The following CLSTN1 variants were observed in gnomAD, a reference collection of about 807,000 sequenced individuals.
CLSTN1 encodes the protein calsyntenin 1, also known as calsyntenin-1.
A neutral mutation model predicts 108.3 loss-of-function variants in CLSTN1; 28 were observed. The observed-to-expected ratio is 0.26, with a 90% CI of 0.19 to 0.35. The LOEUF (loss-of-function observed/expected upper bound fraction) is 0.35. Ranked by LOEUF, CLSTN1 falls within the 10% of genes least tolerant of loss-of-function variation. CLSTN1 has a pLI of 1.00. For synonymous variants in CLSTN1, 524 were observed against 534.9 expected, an observed-to-expected ratio of 0.98 and a Z score of 0.28; for missense variants, 1,157 against 1,302.6, an observed-to-expected ratio of 0.89 and a Z score of 1.72.
chr1:9,801,816 A>T lies in CLSTN1; in HGVS notation c.91+21827T>A, dbSNP rs530820852. Among the ~76,000 whole-genome samples the T allele has an allele frequency of 8.9e-4, 136 of 152,178 alleles. 1 individual carries two copies. In the East Asian group the frequency reaches 0.018, roughly 20 times the overall value. ...GGTGATCCGCCCACCTCTGCTTCCC[A>T]AAGTGCTGGGATTACAGGCGTGAGC... On this transcript the variant is annotated intron_variant, in intron 1 of 18. Transcript: ENST00000377298.
chr1:9,814,802 G>A (rs1248499010), intron 1 of CLSTN1, among the ~76,000 whole-genome samples: 1 of 151,886 alleles, frequency 6.6e-6, no homozygotes, highest in East Asian at 1.9e-4. Flanking sequence ...AGGAGGCTGA[G>A]GTGGAAGGAT....
In CLSTN1 at chr1:9,751,487, G is replaced by C; in HGVS notation, c.635C>G (p.Thr212Ser). 5 of 1,614,120 alleles carry C rather than the reference G, an allele frequency of 3.1e-6. No individual in the cohort carries two copies. Among genetic ancestry groups the C allele is most frequent in the Non-Finnish European group, 4.2e-6 (5 of 1,180,016 alleles). Residue 212 changes from threonine to serine, a missense_variant, in exon 5 of 19, where the codon ACT (threonine) becomes AGT (serine). Thr to Ser is a moderately conservative substitution (Grantham distance 58). Coordinates refer to ENST00000377298, the MANE Select transcript of CLSTN1 (RefSeq NM_001009566.3). ...TCGATTCTTACCATCTTTGTCAACA[G>C]TAAAGGGCACGTCTGGAGTGATGAT... ...YEIITPDVPF[T>S]VDKDGYIKNT...
chr1:9,735,567 G>A lies in CLSTN1; in HGVS notation c.1783C>T (p.Leu595Phe). ...QLVLTLEGED[L>F]GELDKAMQHI... The stretch of plus-strand genomic sequence containing the variant: ...TGCATGGCCTTATCCAATTCCCCGA[G>A]GTCTTCTCCCTCCAAGGTCAATACC... The change falls in exon 13 of 19, where the codon CTC (leucine) becomes TTC (phenylalanine). Residue 595 changes from leucine to phenylalanine, a missense_variant. By Grantham distance (22) the Leu-to-Phe change is conservative (BLOSUM62 0). Coordinates refer to ENST00000377298, the MANE Select transcript of CLSTN1 (RefSeq NM_001009566.3). 1 of 1,614,112 alleles carries A rather than the reference G, an allele frequency of 6.2e-7. No homozygotes were observed. Among genetic ancestry groups the A allele is most frequent in the Non-Finnish European group, 8.5e-7 (1 of 1,180,022 alleles).
At position 9,823,572 on chromosome 1, in the gene CLSTN1, G is replaced by GGGACCCGAATCCTGCACCC. The variant is rs1306138689; in HGVS notation, c.91+52_91+70dup. ...GCACCCGGACCCGAATCCCCGCACC[G>GGGACCCGAATCCTGCACCC]GGACCCGAATCCTGCACCCGGACCC... On this transcript the variant is annotated intron_variant, in intron 1 of 18. Transcript: ENST00000377298. The surrounding 1 kb of genome is among the most constrained non-coding windows in gnomAD (Gnocchi z 6.3). 5.8e-6 allele frequency: 6 copies of GGGACCCGAATCCTGCACCC among 1,037,898 alleles called. No homozygotes were observed. The highest frequency in any genetic ancestry group is 7.2e-6 in the Non-Finnish European group (6 of 829,872). 64.3% of individuals were successfully genotyped at this position (1,037,898 alleles called of 1,614,324 possible).
chr1:9,771,337 C>T (rs772589321), intron 2 of CLSTN1, among the ~76,000 whole-genome samples: 15 of 151,726 alleles, frequency 9.9e-5, no homozygotes, highest in Admixed American at 5.3e-4. Flanking sequence ...AAAATTAGGA[C>T]GGGCATGGTG....
intron 1 of CLSTN1, among the ~76,000 whole-genome samples, chr1:9,815,097 G>C (rs950458112): frequency 1.3e-5 from 2 of 152,164 alleles, no homozygotes; most frequent in African/African-American, 4.8e-5. Flanking sequence ...GAAATCTACA[G>C]AAATCAAGGC....
intron 1 of CLSTN1, among the ~76,000 whole-genome samples, chr1:9,819,835 G>A (rs1460738050): frequency 2.0e-5 from 3 of 152,026 alleles, no homozygotes; most frequent in Admixed American, 6.6e-5. Flanking sequence ...ATATTCGAAC[G>A]ACTTTTTTCC....
chr1:9,755,413 A>C, intron 3 of CLSTN1, 104 bp from the exon 4 acceptor site: 7 of 989,218 alleles, frequency 7.1e-6, no homozygotes, highest in Non-Finnish European at 1.1e-5. Flanking sequence ...AATGACAACA[A>C]TTTGGCAGCC....
At chr1:9,732,403 A>C (rs1322847523) in intron 16 of CLSTN1, among the ~76,000 whole-genome samples, 2 of 152,180 alleles carry the variant, frequency 1.3e-5, no homozygotes, top group Non-Finnish European at 2.9e-5. Context: ...ATTATGCCCA[A>C]AACAAGAGCA....
intron 1 of CLSTN1, among the ~76,000 whole-genome samples, chr1:9,803,111 C>A (rs899617420): frequency 3.3e-5 from 5 of 152,176 alleles, no homozygotes; most frequent in Non-Finnish European, 5.9e-5. Context: ...GCATAAGCCA[C>A]CACGCCCAGC....
rs967112626 is a variant in CLSTN1 at position 9,823,319 on chromosome 1, G to C, written c.91+324C>G. Among the ~76,000 whole-genome samples the C allele has an allele frequency of 6.6e-6, 1 of 152,200 alleles. No individual in the cohort carries two copies. The highest frequency in any genetic ancestry group is 1.5e-5 in the Non-Finnish European group (1 of 68,030). ...CTGCACGTTCCCCCAAATCAGCGCA[G>C]CCACCACCATGGGCTGCAGTGGGGG... On this transcript the variant is annotated intron_variant, in intron 1 of 18. Transcript: ENST00000377298. The surrounding 1 kb of genome is among the most constrained non-coding windows in gnomAD (Gnocchi z 6.3).
rs188532056 is a variant in CLSTN1, at chr1:9,785,439, T to C, written c.92-12045A>G. ...AACAAACTAAATTTTAAAGGGCTGA[T>C]TGAAACACCAAATACATAGCTTAGA... On this transcript the variant is annotated intron_variant, in intron 1 of 18. Coordinates refer to ENST00000377298, the MANE Select transcript of CLSTN1 (RefSeq NM_001009566.3). Among the ~76,000 whole-genome samples the C allele has an allele frequency of 1.1e-3, 167 of 152,340 alleles. 1 individual carries two copies. The Middle Eastern group carries it at 0.027, about 25-fold the overall frequency.
Position 9,734,957 on chromosome 1 carries a change from C to G in CLSTN1, c.2101G>C (p.Asp701His). The change falls in exon 14 of 19, where the codon GAC becomes CAC. Residue 701 changes from aspartate to histidine, a missense_variant. By Grantham distance (81) the Asp-to-His change is moderately conservative (BLOSUM62 -1). Transcript: ENST00000377298. This position sits in a 1 kb window ranked among gnomAD's most constrained non-coding sequence, Gnocchi z 4.8. Reference protein sequence around the residue: ...EVEPEGDGAEDPTVQESLVSE... With the variant: ...EVEPEGDGAEHPTVQESLVSE... ...CCACAGAGCACATTACCTGTGGGGT[C>G]CTCAGCCCCGTCCCCTTCAGGCTCC... 1 of 1,614,140 alleles carries G rather than the reference C, an allele frequency of 6.2e-7. No individual in the cohort carries two copies. The highest frequency in any genetic ancestry group is 1.3e-5 in the African/African-American group (1 of 75,060).
At chr1:9,811,699 T>G (rs1654761114) in intron 1 of CLSTN1, among the ~76,000 whole-genome samples, 1 of 149,876 alleles carries the variant, frequency 6.7e-6, no homozygotes, top group Non-Finnish European at 1.5e-5. Context: ...TACTATTTAC[T>G]TAGTACTCTG....
chr1:9,773,224 C>A (rs1358921337), intron 2 of CLSTN1, 48 bp downstream of exon 2: 1 of 1,611,002 alleles, frequency 6.2e-7, no homozygotes, highest in Non-Finnish European at 8.5e-7. Context: ...CAGAATGCTT[C>A]CTGACCAGGC....
chr1:9,785,795 CTTTT>C (rs77923873), intron 1 of CLSTN1, among the ~76,000 whole-genome samples: 2 of 142,248 alleles, frequency 1.4e-5, no homozygotes, highest in African/African-American at 2.6e-5. Flanking sequence ...ATGTGAATTT[CTTTT>C]TTTTTTTTTT....
At chr1:9,802,903 C>T (rs1178094399) in intron 1 of CLSTN1, among the ~76,000 whole-genome samples, 1 of 148,836 alleles carries the variant, frequency 6.7e-6, no homozygotes, top group Non-Finnish European at 1.5e-5. Flanking sequence ...GGGCTCACTG[C>T]AGCCTCAAGC....
At chr1:9,787,789 T>G (rs571508176) in intron 1 of CLSTN1, among the ~76,000 whole-genome samples, 1 of 151,324 alleles carries the variant, frequency 6.6e-6, no homozygotes, top group Non-Finnish European at 1.5e-5. Context: ...TACAGGCCAA[T>G]AGCATTAAGT....
intron 1 of CLSTN1, chr1:9,781,151 G>T (rs531622563): frequency 1.4e-4 from 108 of 774,410 alleles, no homozygotes; most frequent in South Asian, 1.3e-3. Context: ...TTGTGAACAA[G>T]AAATTAACCC....
Sources: allele counts gnomAD v4.1 joint callset (sites outside exome capture counted in the v4.1 genomes callset), GRCh38; gene constraint gnomAD v4.1.1; non-coding constraint Gnocchi (gnomAD v3.1); transcripts MANE v1.5; gene names NCBI Gene and HGNC (gene_info 2026-07-23, HGNC 2026-07-21).